SP1: variants seen among roughly 807,000 people sequenced by gnomAD.
SP1 encodes Sp1 transcription factor.
In SP1, 6 loss-of-function variants were observed where a neutral mutation model predicts 66.3. That is an observed-to-expected ratio of 0.09 (90% CI 0.05 to 0.18). The LOEUF (loss-of-function observed/expected upper bound fraction) is 0.18, where lower values mean the gene tolerates loss of function less well. Among genes scored for constraint, SP1 ranks in the 10% least tolerant of loss-of-function variants. The pLI is 1.00. For missense variants in SP1, 848 were observed against 964.5 expected (o/e 0.88, Z 1.60); for synonymous variants, 417 against 360.8 (o/e 1.16, Z -1.77).
chr12:53,388,921 A>G (rs1393431518), intron 3 of SP1, among the ~76,000 whole-genome samples: 3 of 151,738 alleles, frequency 2.0e-5, no homozygotes, highest in Admixed American at 6.6e-5. Flanking sequence ...TTGAGGACGC[A>G]GTGAGCCATG....
intron 3 of SP1, among the ~76,000 whole-genome samples, chr12:53,398,835 G>C (rs1021594365): frequency 1.6e-4 from 24 of 152,154 alleles, no homozygotes; most frequent in African/African-American, 5.8e-4. Flanking sequence ...ATTAAAAACA[G>C]TCAAACAATG....
intron 3 of SP1, among the ~76,000 whole-genome samples, chr12:53,390,085 CAGT>C (rs1938314531): frequency 6.6e-6 from 1 of 152,116 alleles, no homozygotes; most frequent in African/African-American, 2.4e-5. Flanking sequence ...TGTTTTAGAG[CAGT>C]ACATTTGGAC....
intron 5 of SP1, 141 bp downstream of exon 5, chr12:53,409,702 T>C: frequency 1.3e-6 from 1 of 747,696 alleles, no homozygotes; most frequent in Non-Finnish European, 2.2e-6. Flanking sequence ...GGAGTTAATC[T>C]GGAAAATTTT....
intron 1 of SP1, chr12:53,380,769 C>T: frequency 1.8e-6 from 1 of 566,324 alleles, no homozygotes; most frequent in Non-Finnish European, 2.2e-6. Flanking sequence ...GCCCTTTCCA[C>T]GCCCCTCACC....
chr12:53,385,493 C>G (rs1208987297), intron 3 of SP1, among the ~76,000 whole-genome samples: 9 of 145,164 alleles, frequency 6.2e-5, no homozygotes, highest in African/African-American at 2.1e-4. Context: ...GACTCAGGAG[C>G]CTGAGGCAGG....
At chr12:53,410,602 C>T (rs548243745) in intron 5 of SP1, among the ~76,000 whole-genome samples, 70 of 151,808 alleles carry the variant, frequency 4.6e-4, no homozygotes, top group Non-Finnish European at 5.9e-4. Flanking sequence ...CCTCCCGGGT[C>T]CACGCCATTC....
chr12:53,398,440 G>A (rs1026715903), intron 3 of SP1, among the ~76,000 whole-genome samples: 2 of 152,006 alleles, frequency 1.3e-5, no homozygotes, highest in Non-Finnish European at 2.9e-5. Context: ...GCACCACCAC[G>A]CCTAGCTAAT....
chr12:53,401,949 G>A (rs1000079005), intron 3 of SP1, among the ~76,000 whole-genome samples: 3 of 152,206 alleles, frequency 2.0e-5, no homozygotes, highest in Admixed American at 1.3e-4. Flanking sequence ...GATTATAGGT[G>A]TGAGCCTCTT....
chr12:53,401,254 C>T (rs1036074550), intron 3 of SP1, among the ~76,000 whole-genome samples: 7 of 151,688 alleles, frequency 4.6e-5, no homozygotes, highest in African/African-American at 9.7e-5. Flanking sequence ...AGTTCGAGAC[C>T]AGCCTGACCA....
intron 3 of SP1, among the ~76,000 whole-genome samples, chr12:53,387,193 C>T (rs188703988): frequency 1.1e-3 from 171 of 151,314 alleles, no homozygotes; most frequent in African/African-American, 3.6e-3. Flanking sequence ...CCTCGTGATC[C>T]GCCCGCCTTG....
chr12:53,402,458 A>AGG (rs1938627857), intron 3 of SP1, among the ~76,000 whole-genome samples: 1 of 150,914 alleles, frequency 6.6e-6, no homozygotes, highest in Non-Finnish European at 1.5e-5. Context: ...TCCTGACCTC[A>AGG]TGATCCACCC....
In SP1 at chr12:53,415,832, G is replaced by A. The variant is rs1394833923; in HGVS notation, c.*4592G>A. 6.6e-6 allele frequency: 1 copy of A among 152,518 alleles called. No homozygotes were observed. Among genetic ancestry groups the A allele is most frequent in the African/African-American group, 2.4e-5 (1 of 41,400 alleles). The allele number at this position is 152,518 out of a possible 1,614,324, so 9.4% of individuals were successfully genotyped here. ...TTCCCGGTAACTGCTCTTGAACATT[G>A]TGGACAAGGGCAGGTCTTCATATTT... On this transcript the variant is annotated 3_prime_UTR_variant, in exon 6 of 6. Transcript: ENST00000327443.
rs1323966698 is a variant in SP1, at chr12:53,380,238, C to A, written c.-54C>A. ...CGTCAGCGTCCGCGTTTTTCCCGGCCCCCCCCAACCCCCCCGGACAGGACC... is the reference window on the plus strand; with the variant it reads ...CGTCAGCGTCCGCGTTTTTCCCGGCACCCCCCAACCCCCCCGGACAGGACC... On this transcript the variant is annotated 5_prime_UTR_variant, in exon 1 of 6. Coordinates refer to ENST00000327443, the MANE Select transcript of SP1 (RefSeq NM_138473.3). The A allele has an allele frequency of 7.0e-6, 7 of 993,510 alleles. No homozygotes were observed. The highest frequency in any genetic ancestry group is 5.2e-5 in the Admixed American group (3 of 57,460). The allele number at this position is 993,510 out of a possible 1,614,324, so 61.5% of individuals were successfully genotyped here. A position where few individuals can be genotyped will look rare whatever the true frequency, so the allele number is the denominator to read the frequency against.
At chr12:53,384,829 A>G (rs1592556318) in intron 3 of SP1, among the ~76,000 whole-genome samples, 1 of 151,710 alleles carries the variant, frequency 6.6e-6, no homozygotes. Flanking sequence ...CGACAAAAAT[A>G]CAAAAATTGG....
chr12:53,394,505 C>G (rs1938431377), intron 3 of SP1, among the ~76,000 whole-genome samples: 1 of 142,524 alleles, frequency 7.0e-6, no homozygotes, highest in African/African-American at 2.6e-5. Context: ...CTCCTGGGAT[C>G]AAGTGGGTCT....
rs1352255281 is a variant in SP1 at position 53,411,216 on chromosome 12, T to C, written c.2334T>C (p.Ile778=). Residue 778 remains isoleucine, a synonymous_variant, in exon 6 of 6, where the codon ATT becomes ATC. Transcript: ENST00000327443. ...NVMQVADLQS[I]NISGNGF ...TGCAGGTGGCAGATCTGCAGTCCAT[T>C]AATATCAGTGGCAATGGCTTCTGAG... The C allele has an allele frequency of 3.1e-6, 5 of 1,612,220 alleles. 1 individual carries two copies. Among genetic ancestry groups the C allele is most frequent in the Non-Finnish European group, 4.2e-6 (5 of 1,179,306 alleles).
At chr12:53,394,215 C>G (rs1157068310) in intron 3 of SP1, among the ~76,000 whole-genome samples, 1 of 143,338 alleles carries the variant, frequency 7.0e-6, no homozygotes, top group South Asian at 2.2e-4. Flanking sequence ...AACTCCGTCT[C>G]GAGAAAAAAA....
intron 3 of SP1, among the ~76,000 whole-genome samples, chr12:53,389,216 C>CTTTTTTTTTTTTT (rs71443297): frequency 9.4e-6 from 1 of 106,730 alleles, no homozygotes; most frequent in African/African-American, 3.6e-5. Context: ...TTAAAATGAT[C>CTTTTTTTTTTTTT]TTTTTTTTTT....
At position 53,406,730 on chromosome 12, in the gene SP1, C is replaced by T. The variant is rs769660915; in HGVS notation, c.1821C>T (p.Pro607=). 4.3e-6 allele frequency: 7 copies of T among 1,613,806 alleles called. No individual in the cohort carries two copies. The highest frequency in any genetic ancestry group is 5.1e-6 in the Non-Finnish European group (6 of 1,179,988). Residue 607 remains proline (P), a synonymous_variant, in exon 4 of 6, where the codon CCC becomes CCT. Transcript: ENST00000327443. ...CCCGGCGGGAAGCATGCACCTGCCC[C>T]TACTGTAAAGACAGTGAAGGAAGGT... is the stretch of plus-strand genomic sequence containing the variant. ...RRTRREACTC[P]YCKDSEGRGS... is the part of the protein sequence containing the mutation.
Sources: allele counts gnomAD v4.1 joint callset (sites outside exome capture counted in the v4.1 genomes callset), GRCh38; gene constraint gnomAD v4.1.1; transcripts MANE v1.5; gene names NCBI Gene and HGNC (gene_info 2026-07-23, HGNC 2026-07-21).